The following FGF14 variants were observed in gnomAD, a reference collection of about 807,000 sequenced individuals.
FGF14 encodes the protein fibroblast growth factor homologous factor 4.
Under a neutral mutation model 25.5 loss-of-function variants are expected in FGF14, and 5 were observed. That is an observed-to-expected ratio of 0.20 (90% CI 0.10 to 0.41). The LOEUF is 0.41. Ranked by LOEUF, FGF14 falls within the 10% of genes least tolerant of loss-of-function variation. FGF14 has a pLI of 1.00. For missense variants in FGF14, 222 were observed against 320.1 expected, an observed-to-expected ratio of 0.69 and a Z score of 2.34; for synonymous variants, 138 against 118.3, an observed-to-expected ratio of 1.17 and a Z score of -1.08.
Position 101,714,374 on chromosome 13 carries a change from T to C in FGF14, c.*8457A>G. ...GCCTGTTGTCAGTGTGTCAACGATATTCTATTCGAGATGGAAACCTTTAGT... is the reference window on the plus strand; with the variant it reads ...GCCTGTTGTCAGTGTGTCAACGATACTCTATTCGAGATGGAAACCTTTAGT... On this transcript the variant is annotated 3_prime_UTR_variant, in exon 5 of 5. Transcript: ENST00000376143. The C allele has an allele frequency of 1.1e-6, 1 of 941,124 alleles. No individual in the cohort carries two copies. Among genetic ancestry groups the C allele is most frequent in the Non-Finnish European group, 1.8e-6 (1 of 568,382 alleles). 58.3% of individuals were successfully genotyped at this position (941,124 alleles called of 1,614,324 possible). A position where few individuals can be genotyped will look rare whatever the true frequency, so the allele number is the denominator to read the frequency against.
intron 1 of FGF14, among the ~76,000 whole-genome samples, chr13:102,063,164 G>C (rs1270648598): frequency 2.0e-5 from 3 of 152,150 alleles, no homozygotes; most frequent in Non-Finnish European, 2.9e-5. Flanking sequence ...CTATAACATA[G>C]TGAAATGAAT....
At chr13:101,957,507 C>T (rs912083149) in intron 1 of FGF14, among the ~76,000 whole-genome samples, 4 of 152,156 alleles carry the variant, frequency 2.6e-5, no homozygotes, top group Non-Finnish European at 4.4e-5. Context: ...AGACCAACAG[C>T]ATTGCCATTG....
intron 1 of FGF14, among the ~76,000 whole-genome samples, chr13:102,276,443 C>A (rs1168879341): frequency 6.7e-6 from 1 of 149,754 alleles, no homozygotes; most frequent in Non-Finnish European, 1.5e-5. Flanking sequence ...CTTGAAATCT[C>A]CAAACTACTG....
At chr13:102,109,310 C>G (rs2045095666) in intron 1 of FGF14, among the ~76,000 whole-genome samples, 1 of 152,104 alleles carries the variant, frequency 6.6e-6, no homozygotes, top group Non-Finnish European at 1.5e-5. Context: ...TATGACATTT[C>G]AGGTAGACAG....
intron 1 of FGF14, among the ~76,000 whole-genome samples, chr13:102,032,603 T>C (rs2041264822): frequency 6.6e-6 from 1 of 152,128 alleles, no homozygotes; most frequent in Non-Finnish European, 1.5e-5. Flanking sequence ...TTGGTTTGTG[T>C]CCTTTAATGC....
chr13:102,152,728 C>T (rs1380331067), intron 1 of FGF14, among the ~76,000 whole-genome samples: 5 of 152,212 alleles, frequency 3.3e-5, no homozygotes, highest in East Asian at 1.9e-4. Flanking sequence ...TGCCATGTTC[C>T]GCTTTACCTA....
At chr13:101,756,017 A>G (rs1439862844) in intron 3 of FGF14, among the ~76,000 whole-genome samples, 1 of 152,154 alleles carries the variant, frequency 6.6e-6, no homozygotes, top group Non-Finnish European at 1.5e-5. Flanking sequence ...GCTCTTCCCA[A>G]TTCTATATAA....
At chr13:102,119,455 A>T (rs2045618616) in intron 1 of FGF14, among the ~76,000 whole-genome samples, 1 of 152,202 alleles carries the variant, frequency 6.6e-6, no homozygotes, top group African/African-American at 2.4e-5. Flanking sequence ...GGATGACAAA[A>T]CAGGAAATCT....
At chr13:101,737,358 G>A (rs1181494341) in intron 3 of FGF14, among the ~76,000 whole-genome samples, 3 of 151,962 alleles carry the variant, frequency 2.0e-5, no homozygotes, top group East Asian at 1.9e-4. Context: ...TATGTCCAAC[G>A]AAAAAGTGAT....
chr13:101,993,473 C>A (rs2039014355), intron 1 of FGF14, among the ~76,000 whole-genome samples: 1 of 151,814 alleles, frequency 6.6e-6, no homozygotes, highest in Non-Finnish European at 1.5e-5. Flanking sequence ...TAACAGATAA[C>A]AGATTTTTCA....
chr13:101,912,476 T>C (rs991783514), intron 1 of FGF14, among the ~76,000 whole-genome samples: 4 of 152,228 alleles, frequency 2.6e-5, no homozygotes, highest in African/African-American at 9.6e-5. Context: ...CTTTTGGGGA[T>C]ACAATGTTCA....
chr13:101,786,736 A>G (rs1013895430), intron 3 of FGF14, among the ~76,000 whole-genome samples: 2 of 152,174 alleles, frequency 1.3e-5, no homozygotes, highest in African/African-American at 4.8e-5. Context: ...CATACCCTCA[A>G]AAATTTGGGG....
At chr13:101,979,134 C>G (rs1190845527) in intron 1 of FGF14, among the ~76,000 whole-genome samples, 1 of 152,190 alleles carries the variant, frequency 6.6e-6, no homozygotes, top group Admixed American at 6.5e-5. Context: ...GCTCTCATCC[C>G]ACCTGGGCAA....
intron 1 of FGF14, among the ~76,000 whole-genome samples, chr13:101,982,283 T>C (rs1375925917): frequency 6.6e-6 from 1 of 152,236 alleles, no homozygotes; most frequent in Non-Finnish European, 1.5e-5. Flanking sequence ...TTTTCTATTT[T>C]ATGCAGCAGG....
intron 1 of FGF14, among the ~76,000 whole-genome samples, chr13:102,045,478 G>A (rs1447952470): frequency 6.6e-6 from 1 of 152,050 alleles, no homozygotes; most frequent in East Asian, 1.9e-4. Context: ...GAAACCATCA[G>A]GACAACTCAT....
chr13:102,222,211 C>T (rs1467263128), intron 1 of FGF14, among the ~76,000 whole-genome samples: 3 of 152,056 alleles, frequency 2.0e-5, no homozygotes, highest in Non-Finnish European at 4.4e-5. Context: ...TAGGGTTTTT[C>T]GAGGACTTTG....
intron 1 of FGF14, among the ~76,000 whole-genome samples, chr13:102,366,978 G>A (rs1174598781): frequency 6.6e-6 from 1 of 152,116 alleles, no homozygotes; most frequent in African/African-American, 2.4e-5. Flanking sequence ...AAAACTCACC[G>A]TTAAAAGCAG....
At chr13:102,013,816 T>A (rs921442964) in intron 1 of FGF14, among the ~76,000 whole-genome samples, 5 of 152,186 alleles carry the variant, frequency 3.3e-5, no homozygotes, top group Admixed American at 3.3e-4. Context: ...AAGCATTTTA[T>A]CTTTATTTTA....
At chr13:102,179,504 C>A (rs780048856) in intron 1 of FGF14, among the ~76,000 whole-genome samples, 7 of 152,092 alleles carry the variant, frequency 4.6e-5, no homozygotes, top group Non-Finnish European at 7.4e-5. Flanking sequence ...ACACCACCAC[C>A]ATCACCAATA....
Sources: gnomAD v4.1 joint callset for allele counts (sites outside exome capture counted in the v4.1 genomes callset) on GRCh38, gnomAD v4.1.1 for gene constraint, MANE v1.5 for transcripts, NCBI Gene and HGNC (gene_info 2026-07-23, HGNC 2026-07-21) for gene names.